Variants in SHOX observed in about 807,000 individuals in gnomAD.
SHOX encodes the protein short stature homeobox protein.
SHOX carries 12 observed loss-of-function variants against 29.6 expected under a neutral mutation model. That is an observed-to-expected ratio of 0.41 (90% CI 0.26 to 0.66). SHOX has a LOEUF of 0.66. Among genes scored for constraint, SHOX ranks in the 30% least tolerant of loss-of-function variants. SHOX has a pLI of 0.35. For synonymous variants in SHOX, 214 were observed against 200.6 expected, an observed-to-expected ratio of 1.07 and a Z score of -0.57; for missense variants, 499 against 437.7, an observed-to-expected ratio of 1.14 and a Z score of -1.25.
At position 644,670 on chromosome X, in the gene SHOX, C is replaced by T. The variant is rs370621168; in HGVS notation, c.*34C>T. 1 of 1,403,980 alleles carries T rather than the reference C, an allele frequency of 7.1e-7. No homozygotes were observed. The highest frequency in any genetic ancestry group is 3.4e-5 in the Admixed American group (1 of 29,072). 87.0% of individuals were successfully genotyped at this position (1,403,980 alleles called of 1,614,324 possible). A position where few individuals can be genotyped will look rare whatever the true frequency, so the allele number is the denominator to read the frequency against. ...GCAGCCCCCCGCGCGCCCGGACTCC[C>T]GGGCTCCGCGCACCCCGCCTGCACC... On this transcript the variant is annotated 3_prime_UTR_variant, in exon 5 of 5. Coordinates refer to ENST00000686671, the MANE Select transcript of SHOX (RefSeq NM_000451.4).
upstream of SHOX, among the ~76,000 whole-genome samples, chrX:627,999 G>A (rs2052568906): frequency 7.2e-6 from 1 of 139,806 alleles, no homozygotes; most frequent in Non-Finnish European, 1.6e-5. Context: ...GGCCTCTGAG[G>A]ACCCAGAAAG....
downstream of SHOX, among the ~76,000 whole-genome samples, chrX:654,347 T>C (rs2053107995): frequency 6.6e-6 from 1 of 151,404 alleles, no homozygotes; most frequent in Admixed American, 6.6e-5. Context: ...AGTATAATAA[T>C]AAAAAAATTA....
chrX:658,124 A>G (rs2053172691), intron 5 of SHOX, among the ~76,000 whole-genome samples: 1 of 151,668 alleles, frequency 6.6e-6, no homozygotes, highest in South Asian at 2.1e-4. Flanking sequence ...ACAGGTGTGC[A>G]CCACCACGCC....
At chrX:633,814 C>G (rs924412779) in intron 1 of SHOX, among the ~76,000 whole-genome samples, 3 of 152,104 alleles carry the variant, frequency 2.0e-5, no homozygotes, top group Non-Finnish European at 4.4e-5. Context: ...TTTACTTAAA[C>G]CCCTGAGCTT....
downstream of SHOX, among the ~76,000 whole-genome samples, chrX:652,029 T>C (rs1198253639): frequency 6.6e-6 from 1 of 152,054 alleles, no homozygotes; most frequent in African/African-American, 2.4e-5. Context: ...TTCAAGCGAC[T>C]CTCCTGCCTC....
In SHOX at chrX:644,356, C is replaced by T; in HGVS notation, c.634-35C>T. The T allele has an allele frequency of 2.6e-6, 4 of 1,511,938 alleles. No individual in the cohort carries two copies. In the African/African-American group the frequency reaches 4.3e-5, roughly 16 times the overall value. 93.7% of individuals were successfully genotyped at this position (1,511,938 alleles called of 1,614,324 possible). On this transcript the variant is annotated intron_variant, in intron 4 of 4. Coordinates refer to ENST00000686671, the MANE Select transcript of SHOX (RefSeq NM_000451.4). ...GCGGAGCAGGCCCCCCAGTCCCCAT[C>T]CTGCGCCCTCACCCCGCCGGGTCCG...
chrX:625,384 G>C (rs939030485), intron 1 of SHOX, among the ~76,000 whole-genome samples: 3 of 151,886 alleles, frequency 2.0e-5, no homozygotes, highest in African/African-American at 7.3e-5. Flanking sequence ...ATTTCATACA[G>C]GGAGGCGGTC....
At chrX:631,273 G>T in intron 1 of SHOX, 99 bp downstream of exon 1, 1 of 1,444,898 alleles carries the variant, frequency 6.9e-7, no homozygotes, top group Non-Finnish European at 9.7e-7. Flanking sequence ...GTGCACATTT[G>T]CAGCTCCCGT....
Position 651,464 on chromosome X carries a change from C to T in SHOX, c.*6828C>T. 2.2e-6 allele frequency: 1 copy of T among 447,872 alleles called. No homozygotes were observed. The highest frequency in any genetic ancestry group is 4.5e-6 in the Non-Finnish European group (1 of 224,410). The allele number at this position is 447,872 out of a possible 1,614,324, so 27.7% of individuals were successfully genotyped here. On this transcript the variant is annotated 3_prime_UTR_variant, in exon 5 of 5. Transcript: ENST00000686671. ...GAGTTTCTCTGGTGACGCCCTCATTCTCCTAACGTTCAATAATCTCAATGT... is the reference window on the plus strand; with the variant it reads ...GAGTTTCTCTGGTGACGCCCTCATTTTCCTAACGTTCAATAATCTCAATGT...
At position 625,178 on chromosome X, in the gene SHOX, C is replaced by G. The variant is rs759564899; in HGVS notation, c.-433+576C>G. ...TCCTCTTCCTTCCCCCATCCTCCCCCTTCATCGTCCCTCCTCCTCCTCCTT... is the reference window on the plus strand; with the variant it reads ...TCCTCTTCCTTCCCCCATCCTCCCCGTTCATCGTCCCTCCTCCTCCTCCTT... On this transcript the variant is annotated intron_variant, in intron 1 of 5. Coordinates refer to the SHOX transcript ENST00000334060. Among the ~76,000 whole-genome samples the G allele has an allele frequency of 6.7e-4, 92 of 136,448 alleles. 1 individual carries two copies. The highest frequency in any genetic ancestry group is 5.9e-3 in the South Asian group (23 of 3,886). 89.5% of individuals were successfully genotyped at this position (136,448 alleles called of 152,430 possible). A position where few individuals can be genotyped will look rare whatever the true frequency, so the allele number is the denominator to read the frequency against.
intron 1 of SHOX, chrX:624,701 T>TTTTCTTTCTTTTTCTTTC (rs1556451346): frequency 9.5e-6 from 1 of 105,372 alleles, no homozygotes; most frequent in African/African-American, 4.0e-5. Flanking sequence ...TTCCTCTTTC[T>TTTTCTTTCTTTTTCTTTC]TTTCTTTCTT....
At chrX:638,754 CTGGGCCATGCACAGTG>C (rs1032453375) in intron 2 of SHOX, among the ~76,000 whole-genome samples, 2 of 152,238 alleles carry the variant, frequency 1.3e-5, no homozygotes, top group African/African-American at 4.8e-5. Context: ...GGCACCGGCC[CTGGGCCATGCACAGTG>C]TGTAAGGGTG....
rs779090116 is a variant in SHOX, at chrX:634,676, G to C, written c.336G>C (p.Gln112His). ...EDVKSEDEDG[Q>H]TKLKQRRSRT... ...TGAAGTCGGAGGACGAGGACGGGCA[G>C]ACCAAGCTGAAACAGAGGCGCAGCC... The change falls in exon 2 of 5, where the codon CAG becomes CAC. Residue 112 changes from glutamine (Q) to histidine (H), a missense_variant. Physicochemically the swap from Gln to His is conservative, Grantham distance 24. Coordinates refer to ENST00000686671, the MANE Select transcript of SHOX (RefSeq NM_000451.4). 15 of 1,613,800 alleles carry C rather than the reference G, an allele frequency of 9.3e-6. No homozygotes were observed. In the African/African-American group the frequency reaches 1.3e-4, roughly 14 times the overall value.
At chrX:658,551 AGCT>A (rs2053179639) in intron 5 of SHOX, among the ~76,000 whole-genome samples, 6 of 151,004 alleles carry the variant, frequency 4.0e-5, no homozygotes, top group African/African-American at 1.2e-4. Flanking sequence ...GCTCACTGCA[AGCT>A]CCTCTTCCCG....
intron 2 of SHOX, among the ~76,000 whole-genome samples, chrX:635,169 G>T (rs1180761550): frequency 2.6e-5 from 4 of 152,064 alleles, no homozygotes; most frequent in Non-Finnish European, 4.4e-5. Context: ...CCCATATATT[G>T]GCTCCTGACT....
intron 2 of SHOX, among the ~76,000 whole-genome samples, chrX:639,191 C>G (rs1482554019): frequency 6.6e-6 from 1 of 152,192 alleles, no homozygotes; most frequent in Non-Finnish European, 1.5e-5. Context: ...GTCCCCTGCG[C>G]TATTGCACTC....
At chrX:625,390 C>T (rs771133031) in intron 1 of SHOX, among the ~76,000 whole-genome samples, 15 of 152,154 alleles carry the variant, frequency 9.9e-5, no homozygotes, top group South Asian at 4.2e-4. Context: ...TACAGGGAGG[C>T]GGTCACATAC....
Position 644,890 on chromosome X carries a change from G to A in SHOX, c.*254G>A, listed in dbSNP as rs1251342695. The A allele has an allele frequency of 2.1e-6, 1 of 476,316 alleles. No individual in the cohort carries two copies. Among genetic ancestry groups the A allele is most frequent in the African/African-American group, 2.1e-5 (1 of 48,494 alleles). 29.5% of individuals were successfully genotyped at this position (476,316 alleles called of 1,614,324 possible). A position where few individuals can be genotyped will look rare whatever the true frequency, so the allele number is the denominator to read the frequency against. ...GTGCGTCCAGCCCGGGCCTCTCCAA[G>A]GCTGCCCGTGCGTCCTGGGACCCTG... On this transcript the variant is annotated 3_prime_UTR_variant, in exon 5 of 5. Coordinates refer to ENST00000686671, the MANE Select transcript of SHOX (RefSeq NM_000451.4).
downstream of SHOX, among the ~76,000 whole-genome samples, chrX:651,684 AAC>A (rs917494910): frequency 6.7e-6 from 1 of 149,576 alleles, no homozygotes; most frequent in African/African-American, 2.5e-5. Context: ...GCCGTGGCTG[AAC>A]ACAGAGTGTT....
Sources: allele counts gnomAD v4.1 joint callset (sites outside exome capture counted in the v4.1 genomes callset), GRCh38; gene constraint gnomAD v4.1.1; transcripts MANE v1.5; gene names NCBI Gene and HGNC (gene_info 2026-07-23, HGNC 2026-07-21).